The following PHC3 variants were observed in gnomAD, a reference collection of about 807,000 sequenced individuals.
The protein encoded by PHC3 is polyhomeotic homolog 3.
A neutral mutation model predicts 107.4 loss-of-function variants in PHC3; 13 were observed. The ratio of observed to expected loss-of-function variants is 0.12; its 90% CI spans 0.08 to 0.19. The LOEUF is 0.19. Ranked by LOEUF, PHC3 falls within the 10% of genes least tolerant of loss-of-function variation. PHC3 has a pLI of 1.00. For synonymous variants in PHC3, 456 were observed against 427.4 expected, an observed-to-expected ratio of 1.07 and a Z score of -0.83; for missense variants, 992 against 1,210.9, an observed-to-expected ratio of 0.82 and a Z score of 2.68.
At chr3:170,130,148 A>G (rs1722020132) in intron 7 of PHC3, among the ~76,000 whole-genome samples, 1 of 152,244 alleles carries the variant, frequency 6.6e-6, no homozygotes, top group Admixed American at 6.5e-5. Context: ...GGTCACCTGA[A>G]TATCTACATT....
chr3:170,151,041 T>C (rs1225323238), intron 4 of PHC3, among the ~76,000 whole-genome samples: 1 of 151,950 alleles, frequency 6.6e-6, no homozygotes, highest in African/African-American at 2.4e-5. Flanking sequence ...TGAAATCCCA[T>C]TTCTACTAAA....
intron 2 of PHC3, chr3:170,177,074 C>T (rs1730596102): frequency 3.0e-6 from 1 of 328,692 alleles, no homozygotes; most frequent in South Asian, 2.5e-5. Flanking sequence ...CTTCCTAGTT[C>T]AATATTCCCT....
At chr3:170,134,185 C>T (rs1722691249) in intron 7 of PHC3, among the ~76,000 whole-genome samples, 1 of 151,640 alleles carries the variant, frequency 6.6e-6, no homozygotes, top group African/African-American at 2.4e-5. Flanking sequence ...AACTATACTA[C>T]GAATATATAT....
rs774876979 is a variant in PHC3, at chr3:170,129,308, C to G, written c.1164G>C (p.Gln388His). The change falls in exon 8 of 15, where the codon CAG becomes CAC. Residue 388 changes from glutamine to histidine, a missense_variant. Physicochemically the swap from Gln to His is conservative, Grantham distance 24 (BLOSUM62 0). This residue lies in a region of PHC3 where 543 missense variants were observed against 590.8 expected (regional missense o/e 0.92). Transcript: ENST00000495893. ...ACACTGTTAAAGGAGAGGGATGACTCTGAATCGGTGAACAATGCTGTGACT... is the reference window on the plus strand; with the variant it reads ...ACACTGTTAAAGGAGAGGGATGACTGTGAATCGGTGAACAATGCTGTGACT... ...NAQSQHCSPI[Q>H]SHPSPLTVSP... 2 of 1,613,958 alleles carry G rather than the reference C, an allele frequency of 1.2e-6. No homozygotes were observed. Among genetic ancestry groups the G allele is most frequent in the East Asian group, 4.5e-5 (2 of 44,872 alleles).
chr3:170,111,773 A>G (rs1299613418), intron 11 of PHC3, among the ~76,000 whole-genome samples: 1 of 152,220 alleles, frequency 6.6e-6, no homozygotes, highest in African/African-American at 2.4e-5. Context: ...TAACAATGTC[A>G]GAGATGTCAT....
intron 4 of PHC3, among the ~76,000 whole-genome samples, chr3:170,161,317 G>A (rs1485384058): frequency 6.6e-6 from 1 of 152,140 alleles, no homozygotes; most frequent in Admixed American, 6.5e-5. Flanking sequence ...AGTCTATGGA[G>A]GCTGCCATAA....
chr3:170,094,771 T>C lies in PHC3; in HGVS notation c.*2459A>G, dbSNP rs1714462825. The C allele has an allele frequency of 6.6e-6, 1 of 152,178 alleles. No individual in the cohort carries two copies. Among genetic ancestry groups the C allele is most frequent in the African/African-American group, 2.4e-5 (1 of 41,456 alleles). 9.4% of individuals were successfully genotyped at this position (152,178 alleles called of 1,614,324 possible). On this transcript the variant is annotated 3_prime_UTR_variant, in exon 15 of 15. Transcript: ENST00000495893. ...GAGTGGGGACAACAGAGATCTGGAC[T>C]AGATTTAAGATTATACGGTATTCTC...
At chr3:170,114,438 A>G (rs1203485540) in intron 10 of PHC3, among the ~76,000 whole-genome samples, 2 of 152,260 alleles carry the variant, frequency 1.3e-5, no homozygotes, top group Non-Finnish European at 2.9e-5. Flanking sequence ...AATGATCAAG[A>G]CAAAATTATT....
intron 3 of PHC3, among the ~76,000 whole-genome samples, chr3:170,171,815 G>A (rs990938940): frequency 2.6e-4 from 39 of 152,146 alleles, no homozygotes; most frequent in African/African-American, 9.2e-4. Flanking sequence ...TCACAAACAT[G>A]TTATTTAAAA....
chr3:170,181,124 G>A (rs1403311270), intron 1 of PHC3, among the ~76,000 whole-genome samples: 2 of 152,222 alleles, frequency 1.3e-5, no homozygotes, highest in African/African-American at 4.8e-5. Flanking sequence ...TTCTTTCAGG[G>A]TGTTTTCAGC....
rs781058428 is a variant in PHC3 at position 170,117,212 on chromosome 3, T to C, written c.2193+14A>G. On this transcript the variant is annotated intron_variant, in intron 10 of 14. Coordinates refer to ENST00000495893, the MANE Select transcript of PHC3 (RefSeq NM_024947.4). ...TAAATTACAAACACACACACAAATA[T>C]GCTTGCTACTTACAGGAAATGGCTC... The C allele has an allele frequency of 1.4e-5, 23 of 1,613,910 alleles. No individual in the cohort carries two copies. Among genetic ancestry groups the C allele is most frequent in the South Asian group, 3.3e-5 (3 of 91,076 alleles).
chr3:170,129,452 T>C lies in PHC3; in HGVS notation c.1020A>G (p.Gln340=). 6.2e-7 allele frequency: 1 copy of C among 1,613,906 alleles called. No homozygotes were observed. Among genetic ancestry groups the C allele is most frequent in the Non-Finnish European group, 8.5e-7 (1 of 1,179,860 alleles). The change falls in exon 8 of 15, where the codon CAA becomes CAG. Residue 340 remains glutamine (Q), a synonymous_variant. Coordinates refer to ENST00000495893, the MANE Select transcript of PHC3 (RefSeq NM_024947.4). ...TTGGCTGAATTTGCTGTTGCTGCTG[T>C]TGTAATATCAGCTGATGATGGGAAA... ...SKVSHHQLIL[Q]QQQQQIQPIT... is the part of the protein sequence containing the mutation.
At chr3:170,114,854 C>A (rs1011266813) in intron 10 of PHC3, among the ~76,000 whole-genome samples, 1 of 152,188 alleles carries the variant, frequency 6.6e-6, no homozygotes, top group African/African-American at 2.4e-5. Flanking sequence ...CTACATTTAA[C>A]TTTAGAGTAT....
chr3:170,180,001 G>GA (rs1256365390), intron 1 of PHC3, among the ~76,000 whole-genome samples: 3 of 152,020 alleles, frequency 2.0e-5, no homozygotes, highest in African/African-American at 2.4e-5. Flanking sequence ...TCTATTCCAT[G>GA]AAAAAACAAA....
intron 4 of PHC3, among the ~76,000 whole-genome samples, chr3:170,154,074 CTAAT>C (rs1726488595): frequency 6.6e-6 from 1 of 152,154 alleles, no homozygotes; most frequent in African/African-American, 2.4e-5. Flanking sequence ...TCTTTGTTGC[CTAAT>C]TGTTACCGTC....
chr3:170,143,501 TTTTA>T (rs1400958651), intron 6 of PHC3, among the ~76,000 whole-genome samples: 1 of 151,358 alleles, frequency 6.6e-6, no homozygotes, highest in South Asian at 2.1e-4. Flanking sequence ...CTACCTCATT[TTTTA>T]TTTTTTACCA....
At position 170,181,665 on chromosome 3, in the gene PHC3, C is replaced by A. The variant is rs115339592; in HGVS notation, c.14+37G>T. 8.7e-4 allele frequency: 1,407 copies of A among 1,613,332 alleles called. 12 individuals are homozygous for A. In the African/African-American group the frequency reaches 0.016, roughly 19 times the overall value. On this transcript the variant is annotated intron_variant, in intron 1 of 14. Transcript: ENST00000495893. ...ACGTGTCGCTGCCCCAACTCGCCCC[C>A]CCTAGTTACGACATCAGTCACCATC...
intron 6 of PHC3, among the ~76,000 whole-genome samples, chr3:170,139,966 T>C (rs1253314951): frequency 2.6e-5 from 4 of 152,184 alleles, no homozygotes; most frequent in South Asian, 2.1e-4. Context: ...AGTCTACATT[T>C]TGCCTGAGTT....
chr3:170,127,566 T>A (rs1721540131), intron 8 of PHC3, among the ~76,000 whole-genome samples: 1 of 152,236 alleles, frequency 6.6e-6, no homozygotes, highest in African/African-American at 2.4e-5. Flanking sequence ...TATACATTTG[T>A]ATCATGAGAA....
Sources: allele counts gnomAD v4.1 joint callset (sites outside exome capture counted in the v4.1 genomes callset), GRCh38; gene constraint gnomAD v4.1.1; regional missense constraint gnomAD v4.1.1; transcripts MANE v1.5; gene names NCBI Gene and HGNC (gene_info 2026-07-23, HGNC 2026-07-21).